OR7A10: variants seen among roughly 807,000 people sequenced by gnomAD.
OR7A10 encodes the protein olfactory receptor 7A10.
For synonymous variants in OR7A10, 144 were observed against 144.5 expected, an observed-to-expected ratio of 1.00 and a Z score of 0.02; for missense variants, 358 against 370.1, an observed-to-expected ratio of 0.97 and a Z score of 0.27.
Position 14,841,056 on chromosome 19 carries a change from G to A in OR7A10, c.822C>T (p.Ala274=). The A allele has an allele frequency of 6.2e-7, 1 of 1,614,072 alleles. No individual in the cohort carries two copies. Among genetic ancestry groups the A allele is most frequent in the Non-Finnish European group, 8.5e-7 (1 of 1,179,986 alleles). The change falls in exon 2 of 2, where the codon GCC becomes GCT. Residue 274 remains alanine (A), a synonymous_variant. Transcript: ENST00000641129. ...GGGTGACCACAGTGTACATCACTGA[G>A]GCTGCAGCACCTGTGTGTGAATTGT... ...ATHNSHTGAA[A]SVMYTVVTPM... is the part of the protein sequence containing the mutation.
chr19:14,847,760 T>C (rs4808066), intron 1 of OR7A10, among the ~76,000 whole-genome samples: 118,941 of 150,754 alleles, frequency 0.79, 47,278 homozygotes, highest in East Asian at 1. Flanking sequence ...GTGATCCGCC[T>C]ACCTCGGCCT....
At chr19:14,847,981 G>A (rs1165137739) in intron 1 of OR7A10, among the ~76,000 whole-genome samples, 6 of 151,912 alleles carry the variant, frequency 3.9e-5, no homozygotes, top group Admixed American at 3.9e-4. Context: ...AATTTAGCTG[G>A]GTGTGGTGGT....
Position 14,848,718 on chromosome 19 carries a change from T to C in OR7A10, c.-231A>G, listed in dbSNP as rs1347215593. ...GAGGGACACCTGCAGCGGAGAAATT[T>C]ACAGCTTCATATGCCTGCTCATTGG... On this transcript the variant is annotated 5_prime_UTR_variant, in exon 1 of 2. An upstream open reading frame in the 5' UTR loses its in-frame stop. Transcript: ENST00000641129. 6 of 152,252 alleles carry C rather than the reference T, an allele frequency of 3.9e-5. No homozygotes were observed. The allele number at this position is 152,252 out of a possible 1,614,324, so 9.4% of individuals were successfully genotyped here. A position where few individuals can be genotyped will look rare whatever the true frequency, so the allele number is the denominator to read the frequency against.
chr19:14,841,347 A>C lies in OR7A10; in HGVS notation c.531T>G (p.Phe177Leu). ...PFCTHMEIPH[F>L]FCEINQVVHL... The stretch of plus-strand genomic sequence containing the variant: ...GGACCACCTGATTAATTTCACAGAA[A>C]AAATGAGGGATTTCCATGTGTGTAC... Residue 177 changes from phenylalanine (F) to leucine (L), a missense_variant, in exon 2 of 2, where the codon TTT (phenylalanine) becomes TTG (leucine). Coordinates refer to ENST00000641129, the MANE Select transcript of OR7A10 (RefSeq NM_001005190.2). 6.2e-7 allele frequency: 1 copy of C among 1,614,210 alleles called. No individual in the cohort carries two copies. The highest frequency in any genetic ancestry group is 8.5e-7 in the Non-Finnish European group (1 of 1,180,040).
intron 1 of OR7A10, among the ~76,000 whole-genome samples, chr19:14,847,761 A>G (rs4808067): frequency 0.79 from 118,896 of 150,686 alleles, 47,258 homozygotes; most frequent in East Asian, 1. Flanking sequence ...TGATCCGCCT[A>G]CCTCGGCCTC....
In OR7A10 at chr19:14,841,289, T is replaced by C; in HGVS notation, c.589A>G (p.Ile197Val). ...AGCGCTACTGCAAAATACATCACTA[T>C]GTCATTAAGAAAGGTGTCAGAACAG... ...LACSDTFLND[I>V]VMYFAVALLG... The change falls in exon 2 of 2, where the codon ATA becomes GTA. Residue 197 changes from isoleucine (I) to valine (V), a missense_variant. By Grantham distance (29) the Ile-to-Val change is conservative. Transcript: ENST00000641129. The C allele has an allele frequency of 6.2e-7, 1 of 1,614,218 alleles. No individual in the cohort carries two copies. The highest frequency in any genetic ancestry group is 8.5e-7 in the Non-Finnish European group (1 of 1,180,030).
rs2044906002 is a variant in OR7A10, at chr19:14,840,794, C to G, written c.*154G>C. The stretch of plus-strand genomic sequence containing the variant: ...CTGACTCTAAGAAGAACAGTGTAAG[C>G]TCTATAAAGTAGTTGAGGAACAAAG... On this transcript the variant is annotated 3_prime_UTR_variant, in exon 2 of 2. Coordinates refer to ENST00000641129, the MANE Select transcript of OR7A10 (RefSeq NM_001005190.2). 1.7e-6 allele frequency: 1 copy of G among 584,664 alleles called. No individual in the cohort carries two copies. Among genetic ancestry groups the G allele is most frequent in the East Asian group, 2.8e-5 (1 of 35,784 alleles). 36.2% of individuals were successfully genotyped at this position (584,664 alleles called of 1,614,324 possible).
chr19:14,841,280 A>G lies in OR7A10; in HGVS notation c.598T>C (p.Tyr200His). 3 of 1,614,232 alleles carry G rather than the reference A, an allele frequency of 1.9e-6. No homozygotes were observed. The highest frequency in any genetic ancestry group is 2.5e-6 in the Non-Finnish European group (3 of 1,180,044). ...CCGCCCAGCAGCGCTACTGCAAAAT[A>G]CATCACTATGTCATTAAGAAAGGTG... ...SDTFLNDIVM[Y>H]FAVALLGGGP... Residue 200 changes from tyrosine (Y) to histidine (H), a missense_variant, in exon 2 of 2, where the codon TAT becomes CAT. Transcript: ENST00000641129.
At chr19:14,843,320 T>G (rs754511121) in intron 1 of OR7A10, among the ~76,000 whole-genome samples, 3 of 152,186 alleles carry the variant, frequency 2.0e-5, no homozygotes, top group Non-Finnish European at 4.4e-5. Flanking sequence ...ACAAATACAT[T>G]GTGGAATGGC....
At chr19:14,845,070 A>AC (rs2044935600) in intron 1 of OR7A10, among the ~76,000 whole-genome samples, 3 of 141,624 alleles carry the variant, frequency 2.1e-5, no homozygotes, top group African/African-American at 7.9e-5. Flanking sequence ...CACACACACA[A>AC]ACACACACAC....
Position 14,841,032 on chromosome 19 carries a change from G to C in OR7A10, c.846C>G (p.Thr282=). The part of the protein sequence containing the change: ...AAASVMYTVV[T]PMLNPFIYSL... ...TGTAGATGAAGGGGTTCAGCATGGG[G>C]GTGACCACAGTGTACATCACTGAGG... The change falls in exon 2 of 2, where the codon ACC becomes ACG. Residue 282 remains threonine (T), a synonymous_variant. Transcript: ENST00000641129. The C allele has an allele frequency of 6.2e-7, 1 of 1,614,070 alleles. No homozygotes were observed. Among genetic ancestry groups the C allele is most frequent in the South Asian group, 1.1e-5 (1 of 91,078 alleles).
intron 1 of OR7A10, among the ~76,000 whole-genome samples, chr19:14,844,103 T>C (rs974816323): frequency 3.3e-5 from 5 of 152,192 alleles, no homozygotes; most frequent in African/African-American, 1.2e-4. Context: ...CAGAAGTCCC[T>C]ATGCTCTAAA....
intron 1 of OR7A10, among the ~76,000 whole-genome samples, chr19:14,844,664 G>GTTTTTTGTTTTT (rs1555697160): frequency 0.051 from 4,989 of 97,502 alleles, 416 homozygotes; most frequent in East Asian, 0.12. Context: ...TGAGTTCTGT[G>GTTTTTTGTTTTT]TTTTTTTTTT....
rs1214596402 is a variant in OR7A10, at chr19:14,848,501, C to T, written c.-14G>A. 1 of 152,212 alleles carries T rather than the reference C, an allele frequency of 6.6e-6. No individual in the cohort carries two copies. Among genetic ancestry groups the T allele is most frequent in the African/African-American group, 2.4e-5 (1 of 41,436 alleles). The allele number at this position is 152,212 out of a possible 1,614,324, so 9.4% of individuals were successfully genotyped here. A position where few individuals can be genotyped will look rare whatever the true frequency, so the allele number is the denominator to read the frequency against. On this transcript the variant is annotated splice_region_variant and 5_prime_UTR_variant, in exon 1 of 2. Coordinates refer to ENST00000641129, the MANE Select transcript of OR7A10 (RefSeq NM_001005190.2). The stretch of plus-strand genomic sequence containing the variant: ...TCCTACGGTACCTATTGGACTCACC[C>T]TGTTGGGTTTTCTGAAATGAAGGTC...
At chr19:14,846,014 A>T (rs1242919126) in intron 1 of OR7A10, among the ~76,000 whole-genome samples, 1 of 152,152 alleles carries the variant, frequency 6.6e-6, no homozygotes, top group Non-Finnish European at 1.5e-5. Flanking sequence ...TTAGCCTGGC[A>T]TGGTGGCATG....
Position 14,841,297 on chromosome 19 carries a change from A to G in OR7A10, c.581T>C (p.Leu194Pro). Residue 194 changes from leucine (L) to proline (P), a missense_variant, in exon 2 of 2, where the codon CTT (leucine) becomes CCT (proline). Coordinates refer to ENST00000641129, the MANE Select transcript of OR7A10 (RefSeq NM_001005190.2). The part of the protein sequence containing the change: ...VVHLACSDTF[L>P]NDIVMYFAVA... Reference sequence around the variant, plus strand: ...TGCAAAATACATCACTATGTCATTAAGAAAGGTGTCAGAACAGGCAAGGTG... The same window carrying G: ...TGCAAAATACATCACTATGTCATTAGGAAAGGTGTCAGAACAGGCAAGGTG... 6.2e-7 allele frequency: 1 copy of G among 1,614,226 alleles called. No individual in the cohort carries two copies. The highest frequency in any genetic ancestry group is 1.1e-5 in the South Asian group (1 of 91,086).
At chr19:14,844,661 T>A (rs1012701750) in intron 1 of OR7A10, among the ~76,000 whole-genome samples, 8 of 87,384 alleles carry the variant, frequency 9.2e-5, no homozygotes, top group African/African-American at 4.5e-4. Flanking sequence ...CCTTGAGTTC[T>A]GTGTTTTTTT....
chr19:14,844,468 A>G (rs1392234316), intron 1 of OR7A10, among the ~76,000 whole-genome samples: 1 of 152,136 alleles, frequency 6.6e-6, no homozygotes, highest in African/African-American at 2.4e-5. Flanking sequence ...GAGAATGAGC[A>G]AGAAGAGAGG....
rs761172705 is a variant in OR7A10, at chr19:14,841,506, C to T, written c.372G>A (p.Val124=). The stretch of plus-strand genomic sequence containing the variant: ...TGTAGTGCAGAGGGTGACAGATGGC[C>T]ACAAACCGGTCATAGGCCATCACGG... ...LLTVMAYDRF[V]AICHPLHYMV... is the part of the protein sequence containing the mutation. Residue 124 remains valine (V), a synonymous_variant, in exon 2 of 2, where the codon GTG becomes GTA. Coordinates refer to ENST00000641129, the MANE Select transcript of OR7A10 (RefSeq NM_001005190.2). The T allele has an allele frequency of 1.9e-6, 3 of 1,614,092 alleles. No individual in the cohort carries two copies. Among genetic ancestry groups the T allele is most frequent in the East Asian group, 4.5e-5 (2 of 44,882 alleles).
Sources: gnomAD v4.1 joint callset for allele counts (sites outside exome capture counted in the v4.1 genomes callset) on GRCh38, gnomAD v4.1.1 for gene constraint, MANE v1.5 for transcripts, NCBI Gene and HGNC (gene_info 2026-07-23, HGNC 2026-07-21) for gene names.